GABRR3: variants seen among roughly 807,000 people sequenced by gnomAD.
GABRR3 encodes the protein gamma-aminobutyric acid receptor subunit rho-3.
In GABRR3, 29 loss-of-function variants were observed where a neutral mutation model predicts 43.2. The ratio of observed to expected loss-of-function variants is 0.67; its 90% confidence interval spans 0.50 to 0.92. GABRR3 has a LOEUF of 0.92. GABRR3 is among the 40% of genes least tolerant of loss of function. The pLI is 0.00. For missense variants in GABRR3, 576 were observed against 572.3 expected (o/e 1.01, Z -0.07); for synonymous variants, 206 against 195.9 (o/e 1.05, Z -0.43).
chr3:98,018,753 A>C (rs1182322651), intron 3 of GABRR3, among the ~76,000 whole-genome samples: 1 of 152,176 alleles, frequency 6.6e-6, no homozygotes, highest in African/African-American at 2.4e-5. Context: ...AAATGTTTTC[A>C]ATTATGGTTG....
At chr3:97,988,279 T>C (rs942300528) in intron 9 of GABRR3, among the ~76,000 whole-genome samples, 1 of 152,124 alleles carries the variant, frequency 6.6e-6, no homozygotes, top group East Asian at 1.9e-4. Flanking sequence ...GGTCCTGTTA[T>C]GTTGCTGAAG....
intron 8 of GABRR3, among the ~76,000 whole-genome samples, chr3:97,996,325 T>C (rs1290141685): frequency 6.6e-6 from 1 of 152,214 alleles, no homozygotes; most frequent in Non-Finnish European, 1.5e-5. Flanking sequence ...AACATTGCTC[T>C]ATGACCAGAA....
intron 8 of GABRR3, chr3:97,998,941 C>A (rs186183369): frequency 6.6e-6 from 1 of 152,002 alleles, no homozygotes; most frequent in South Asian, 2.1e-4. Context: ...ATGATAGACA[C>A]GACCCACAGC....
At position 98,014,528 on chromosome 3, in the gene GABRR3, G is replaced by A. The variant is rs560513330; in HGVS notation, c.307-1961C>T. 3.9e-5 allele frequency among the ~76,000 whole-genome samples: 6 copies of A among 152,294 alleles called. No individual in the cohort carries two copies. The South Asian group carries it at 1.0e-3, about 26-fold the overall frequency. Reference sequence around the variant, plus strand: ...TCTAAACCAATCTTTTTTGAGTAGCGAGTCCTATTAGTGCTATTCCCTTTT... The same window carrying A: ...TCTAAACCAATCTTTTTTGAGTAGCAAGTCCTATTAGTGCTATTCCCTTTT... On this transcript the variant is annotated intron_variant, in intron 4 of 9. Transcript: ENST00000621172.
intron 2 of GABRR3, 107 bp downstream of exon 2, chr3:98,034,756 A>G: frequency 2.2e-6 from 3 of 1,335,724 alleles, no homozygotes; most frequent in Non-Finnish European, 3.1e-6. Flanking sequence ...CATGGTTACA[A>G]AGATGTGCTA....
chr3:97,992,878 G>C (rs146572536), exon 9 of GABRR3: 4 of 1,610,290 alleles, frequency 2.5e-6, no homozygotes, highest in Non-Finnish European at 8.5e-7. Context: ...AATTGTTTCC[G>C]CTCTTCCACT....
chr3:97,998,962 C>G (rs1228820073), intron 8 of GABRR3: 1 of 152,066 alleles, frequency 6.6e-6, no homozygotes, highest in African/African-American at 2.4e-5. Flanking sequence ...AACAAAAGCT[C>G]TCTAGTGTCC....
intron 3 of GABRR3, among the ~76,000 whole-genome samples, chr3:98,024,404 A>G (rs1405637150): frequency 1.3e-5 from 2 of 151,100 alleles, no homozygotes; most frequent in Non-Finnish European, 2.9e-5. Context: ...CAGGAACCAC[A>G]TGGATTTCAG....
intron 2 of GABRR3, among the ~76,000 whole-genome samples, chr3:98,027,858 T>C (rs1371459905): frequency 2.0e-5 from 3 of 152,182 alleles, no homozygotes; most frequent in Non-Finnish European, 2.9e-5. Context: ...CCTTTAAGTG[T>C]ATCCAGTGAA....
intron 6 of GABRR3, 120 bp downstream of exon 6, chr3:98,008,836 A>AGTTTTG (rs1258804119): frequency 8.7e-6 from 3 of 344,704 alleles, no homozygotes; most frequent in East Asian, 1.0e-4. Context: ...CAATTGTTTC[A>AGTTTTG]GTTTTGGATA....
At chr3:98,024,596 G>T (rs912579522) in intron 3 of GABRR3, among the ~76,000 whole-genome samples, 1 of 152,064 alleles carries the variant, frequency 6.6e-6, no homozygotes. Flanking sequence ...GAACACTTGC[G>T]GTATTCGTTA....
chr3:98,016,379 CA>C (rs999803546), intron 4 of GABRR3, among the ~76,000 whole-genome samples: 91 of 152,150 alleles, frequency 6.0e-4, no homozygotes, highest in African/African-American at 2.1e-3. Flanking sequence ...CCCCACCCCC[CA>C]TTCCTCCTTC....
intron 4 of GABRR3, among the ~76,000 whole-genome samples, chr3:98,014,809 T>G (rs141848826): frequency 2.6e-5 from 4 of 152,342 alleles, no homozygotes; most frequent in African/African-American, 9.6e-5. Flanking sequence ...ATTTTAGTGA[T>G]TGATATTTTC....
chr3:98,001,453 G>T, intron 8 of GABRR3, 162 bp downstream of exon 8: 2 of 679,510 alleles, frequency 2.9e-6, no homozygotes, highest in Non-Finnish European at 4.9e-6. Context: ...ATTACAATTT[G>T]CCCTTGAGGA....
intron 8 of GABRR3, chr3:98,001,258 C>T (rs1706636596): frequency 9.8e-6 from 2 of 203,632 alleles, no homozygotes; most frequent in Non-Finnish European, 2.0e-5. Context: ...AAGGGTTTGT[C>T]CTGAAAAGCT....
chr3:98,014,406 C>T (rs1576045109), intron 4 of GABRR3, among the ~76,000 whole-genome samples: 1 of 151,852 alleles, frequency 6.6e-6, no homozygotes, highest in East Asian at 1.9e-4. Context: ...GGATAATATT[C>T]CAGGAAAGGG....
chr3:98,015,730 A>C (rs1706865202), intron 4 of GABRR3, among the ~76,000 whole-genome samples: 1 of 152,200 alleles, frequency 6.6e-6, no homozygotes, highest in Non-Finnish European at 1.5e-5. Context: ...AAGAAATGAG[A>C]TGGAAAAAGC....
At chr3:97,987,927 A>T (rs1706408428) in intron 9 of GABRR3, among the ~76,000 whole-genome samples, 1 of 151,894 alleles carries the variant, frequency 6.6e-6, no homozygotes, top group African/African-American at 2.4e-5. Flanking sequence ...ATAGACACAC[A>T]TCACTACACT....
intron 8 of GABRR3, chr3:97,999,374 C>T (rs954344646): frequency 6.6e-6 from 1 of 152,090 alleles, no homozygotes; most frequent in Non-Finnish European, 1.5e-5. Flanking sequence ...ATGCTTCATC[C>T]CTGAAGTCTG....
Sources: allele counts gnomAD v4.1 joint callset (sites outside exome capture counted in the v4.1 genomes callset), GRCh38; gene constraint gnomAD v4.1.1; transcripts MANE v1.5; gene names NCBI Gene and HGNC (gene_info 2026-07-23, HGNC 2026-07-21).